Variants in ACSM2A observed in about 807,000 individuals in gnomAD.
ACSM2A encodes acyl-coenzyme A synthetase ACSM2A, mitochondrial.
Under a neutral mutation model 76.6 loss-of-function variants are expected in ACSM2A, and 72 were observed. The ratio of observed to expected loss-of-function variants is 0.94; its 90% CI spans 0.78 to 1.14. ACSM2A has a LOEUF of 1.14. Among genes scored for constraint, ACSM2A ranks in the 50% most tolerant of loss-of-function variants. The pLI is 0.00. For missense variants in ACSM2A, 684 were observed against 708.5 expected (o/e 0.97, Z 0.39); for synonymous variants, 249 against 255.9 (o/e 0.97, Z 0.26).
chr16:20,462,810 C>T (rs1245273050), intron 2 of ACSM2A, among the ~76,000 whole-genome samples: 1 of 151,864 alleles, frequency 6.6e-6, no homozygotes, highest in African/African-American at 2.4e-5. Context: ...TTCAGCAATT[C>T]CAACTCTGGG....
At chr16:20,481,350 A>G (rs1031683964) in intron 12 of ACSM2A, 3 of 192,794 alleles carry the variant, frequency 1.6e-5, no homozygotes, top group Admixed American at 5.3e-5. Context: ...AGGATAAATA[A>G]TATGTGGTAT....
rs2013402503 is a variant in ACSM2A at position 20,471,533 on chromosome 16, C to A, written c.741-3C>A. 1 of 1,608,480 alleles carries A rather than the reference C, an allele frequency of 6.2e-7. No homozygotes were observed. Among genetic ancestry groups the A allele is most frequent in the Non-Finnish European group, 8.5e-7 (1 of 1,177,296 alleles). On this transcript the variant is annotated splice_polypyrimidine_tract_variant and splice_region_variant and intron_variant, in intron 5 of 13. Coordinates refer to ENST00000573854, the MANE Select transcript of ACSM2A (RefSeq NM_001308172.2). ...TGTACATGTGTTTTGTCTGTGTTTT[C>A]AGTTGGACAGGCCTGCAAGCCTCTG... is the stretch of plus-strand genomic sequence containing the variant.
chr16:20,483,653 A>G (rs2014239142), intron 13 of ACSM2A, among the ~76,000 whole-genome samples: 2 of 147,804 alleles, frequency 1.4e-5, no homozygotes, highest in African/African-American at 4.9e-5. Context: ...TTGATGCCTG[A>G]AAAATGACCT....
At chr16:20,482,266 G>C (rs2014131382) in intron 12 of ACSM2A, 1 of 152,076 alleles carries the variant, frequency 6.6e-6, no homozygotes, top group Admixed American at 6.5e-5. Context: ...CTATCCTGCT[G>C]TTTGGTATTT....
At chr16:20,477,254 C>T (rs1335802427) in intron 8 of ACSM2A, 115 bp from the exon 9 acceptor site, 2 of 1,425,828 alleles carry the variant, frequency 1.4e-6, no homozygotes, top group Admixed American at 2.5e-5. Flanking sequence ...GGGGAGCCAC[C>T]AAGTGCAGGC....
chr16:20,475,182 G>A (rs546126250), intron 6 of ACSM2A, among the ~76,000 whole-genome samples, 180 bp from the exon 7 acceptor site: 29 of 152,318 alleles, frequency 1.9e-4, no homozygotes, highest in Admixed American at 1.3e-3. Flanking sequence ...CCTGTTATTT[G>A]TGTCTTCAGG....
intron 4 of ACSM2A, 151 bp downstream of exon 4, chr16:20,469,870 G>GTTTTTTTTTT (rs1567365569): frequency 1.7e-6 from 1 of 589,458 alleles, no homozygotes; most frequent in Non-Finnish European, 2.5e-6. Context: ...TAACACAAGG[G>GTTTTTTTTTT]TATTTTTTTT....
chr16:20,475,909 G>C lies in ACSM2A; in HGVS notation c.1098+136G>C, dbSNP rs2013713386. On this transcript the variant is annotated intron_variant, in intron 8 of 13. Coordinates refer to ENST00000573854, the MANE Select transcript of ACSM2A (RefSeq NM_001308172.2). ...TTTATTGAGCCTCTATGAAGGGACA[G>C]GTACTGAGTATTGAAAATTCCGCAC... 8 of 1,507,762 alleles carry C rather than the reference G, an allele frequency of 5.3e-6. No homozygotes were observed. The South Asian group carries it at 1.1e-4, about 21-fold the overall frequency. 93.4% of individuals were successfully genotyped at this position (1,507,762 alleles called of 1,614,324 possible).
intron 13 of ACSM2A, among the ~76,000 whole-genome samples, chr16:20,485,896 A>C (rs913084291): frequency 6.6e-6 from 1 of 152,248 alleles, no homozygotes; most frequent in Non-Finnish European, 1.5e-5. Context: ...AGGCATCTTC[A>C]CCATCCATAT....
intron 1 of ACSM2A, among the ~76,000 whole-genome samples, chr16:20,454,724 G>A (rs894917020): frequency 2.6e-5 from 4 of 151,760 alleles, no homozygotes; most frequent in Admixed American, 6.6e-5. Flanking sequence ...CCAGGAAAAC[G>A]ATTCTGGGAA....
intron 1 of ACSM2A, among the ~76,000 whole-genome samples, chr16:20,458,191 G>T (rs2012310785): frequency 6.6e-6 from 1 of 151,336 alleles, no homozygotes; most frequent in Non-Finnish European, 1.5e-5. Flanking sequence ...TATGCTCATG[G>T]ATGGGTAGAA....
At chr16:20,481,090 C>T (rs992000171) in intron 12 of ACSM2A, 169 bp downstream of exon 12, 6 of 795,460 alleles carry the variant, frequency 7.5e-6, no homozygotes, top group Non-Finnish European at 6.0e-6. Context: ...CTCTGTTTCT[C>T]AGTTTCCCCA....
At chr16:20,458,659 G>T (rs1299443157) in intron 1 of ACSM2A, among the ~76,000 whole-genome samples, 2 of 137,104 alleles carry the variant, frequency 1.5e-5, no homozygotes, top group East Asian at 2.1e-4. Context: ...CCAAGCTCAT[G>T]GATATATAAT....
chr16:20,466,810 T>C (rs1474311685), intron 3 of ACSM2A, among the ~76,000 whole-genome samples: 1 of 152,218 alleles, frequency 6.6e-6, no homozygotes, highest in Non-Finnish European at 1.5e-5. Context: ...ACCATAATGA[T>C]GTAATCTATA....
At chr16:20,480,060 C>A (rs1402806171) in intron 10 of ACSM2A, among the ~76,000 whole-genome samples, 3 of 152,300 alleles carry the variant, frequency 2.0e-5, no homozygotes, top group Non-Finnish European at 4.4e-5. Context: ...AACCTCAAGC[C>A]TTTTCATTGC....
intron 3 of ACSM2A, among the ~76,000 whole-genome samples, chr16:20,468,767 C>G (rs569725248): frequency 3.3e-5 from 5 of 152,170 alleles, no homozygotes; most frequent in African/African-American, 1.2e-4. Context: ...TATAAAACCT[C>G]ATTTATGTGC....
intron 3 of ACSM2A, among the ~76,000 whole-genome samples, chr16:20,468,431 C>A (rs1031533987): frequency 2.0e-5 from 3 of 152,164 alleles, no homozygotes; most frequent in African/African-American, 7.2e-5. Context: ...TTCAGTGGTG[C>A]AATTTTGGCT....
chr16:20,486,497 A>T, intron 13 of ACSM2A, 77 bp from the exon 14 acceptor site: 2 of 1,514,462 alleles, frequency 1.3e-6, no homozygotes, highest in Non-Finnish European at 1.8e-6. Context: ...ACTTCCCCTC[A>T]CCCTACAGCA....
chr16:20,480,238 G>A (rs1442759795), intron 10 of ACSM2A, among the ~76,000 whole-genome samples: 1 of 152,166 alleles, frequency 6.6e-6, no homozygotes, highest in Non-Finnish European at 1.5e-5. Context: ...TGGTGCTATG[G>A]AGTGAGCAGA....
Sources: gnomAD v4.1 joint callset for allele counts (sites outside exome capture counted in the v4.1 genomes callset) on GRCh38, gnomAD v4.1.1 for gene constraint, MANE v1.5 for transcripts, NCBI Gene and HGNC (gene_info 2026-07-23, HGNC 2026-07-21) for gene names.